The following TPCN2 variants were observed in gnomAD, a reference collection of about 807,000 sequenced individuals.
TPCN2 encodes two pore segment channel 2.
TPCN2 carries 92 observed loss-of-function variants against 111.4 expected under a neutral mutation model. The observed-to-expected ratio is 0.83, with a 90% CI of 0.70 to 0.98. The LOEUF (loss-of-function observed/expected upper bound fraction) is 0.98, where lower values mean the gene tolerates loss of function less well. Ranked by LOEUF, TPCN2 falls within the 50% of genes least tolerant of loss-of-function variation. The pLI is 0.00. For synonymous variants in TPCN2, 405 were observed against 414.5 expected, an observed-to-expected ratio of 0.98 and a Z score of 0.28; for missense variants, 995 against 980.1, an observed-to-expected ratio of 1.02 and a Z score of -0.20.
chr11:69,078,931 A>C lies in TPCN2; in HGVS notation c.1450A>C (p.Met484Leu), dbSNP rs35264875. Residue 484 changes from methionine (M) to leucine (L), a missense_variant, in exon 16 of 25, where the codon ATG (methionine) becomes CTG (leucine). Met to Leu is a conservative substitution (Grantham distance 15). Coordinates refer to ENST00000294309, the MANE Select transcript of TPCN2 (RefSeq NM_139075.4). ...CTTCATTGTGTACTACCTGTTGGAG[A>C]TGCTGCTCAAGGTCTTTGCCCTGGG... The part of the protein sequence containing the change: ...CVFIVYYLLE[M>L]LLKVFALGLR... The C allele has an allele frequency of 6.2e-7, 1 of 1,613,822 alleles. No homozygotes were observed. The highest frequency in any genetic ancestry group is 1.1e-5 in the South Asian group (1 of 91,072).
At chr11:69,050,485 C>T (rs916952638) in intron 1 of TPCN2, among the ~76,000 whole-genome samples, 4 of 152,354 alleles carry the variant, frequency 2.6e-5, no homozygotes, top group African/African-American at 2.4e-5. Context: ...TGAAGCGATT[C>T]TCCCGCCTCA....
rs1445257466 is a variant in TPCN2 at position 69,079,661 on chromosome 11, A to G, written c.1540-173A>G. Reference sequence around the variant, plus strand: ...GAGGCCAGGGTGTCTTTCCAGCTGAAAGAAGTCCTGACATCTGGAACCAAC... The same window carrying G: ...GAGGCCAGGGTGTCTTTCCAGCTGAGAGAAGTCCTGACATCTGGAACCAAC... On this transcript the variant is annotated intron_variant, in intron 16 of 24. Transcript: ENST00000294309. 3 of 588,504 alleles carry G rather than the reference A, an allele frequency of 5.1e-6. No homozygotes were observed. In the Admixed American group the frequency reaches 9.4e-5, roughly 18 times the overall value. The allele number at this position is 588,504 out of a possible 1,614,324, so 36.5% of individuals were successfully genotyped here. A position where few individuals can be genotyped will look rare whatever the true frequency, so the allele number is the denominator to read the frequency against.
chr11:69,071,865 C>A, intron 10 of TPCN2, 58 bp from the exon 11 acceptor site: 1 of 1,511,980 alleles, frequency 6.6e-7, no homozygotes, highest in Non-Finnish European at 9.1e-7. Flanking sequence ...AGGGAAGGGT[C>A]GGGGGTTCTG....
chr11:69,071,493 C>A, intron 10 of TPCN2, 73 bp downstream of exon 10: 1 of 1,373,872 alleles, frequency 7.3e-7, no homozygotes, highest in Non-Finnish European at 1.0e-6. Flanking sequence ...TTGAGATGAG[C>A]AGCTGGGTGA....
intron 11 of TPCN2, among the ~76,000 whole-genome samples, 181 bp downstream of exon 11, chr11:69,072,204 G>C (rs112826885): frequency 2.6e-5 from 4 of 151,170 alleles, no homozygotes; most frequent in African/African-American, 9.7e-5. Context: ...TCCTTGTCCT[G>C]AGTCCATGCC....
intron 13 of TPCN2, among the ~76,000 whole-genome samples, chr11:69,075,380 G>T (rs746571479): frequency 6.6e-6 from 1 of 152,186 alleles, no homozygotes; most frequent in South Asian, 2.1e-4. Context: ...ACATCCTTCC[G>T]TATACTTTAA....
rs577233149 is a variant in TPCN2, at chr11:69,085,964, C to T, written c.2003+34C>T. On this transcript the variant is annotated intron_variant, in intron 22 of 24. Coordinates refer to ENST00000294309, the MANE Select transcript of TPCN2 (RefSeq NM_139075.4). ...TCGTCTCCCTGACGGCAGTGATTCTCCGTGCAGCCTGGGGGTTCCCTCACC... is the reference window on the plus strand; with the variant it reads ...TCGTCTCCCTGACGGCAGTGATTCTTCGTGCAGCCTGGGGGTTCCCTCACC... 5.8e-5 allele frequency: 92 copies of T among 1,596,150 alleles called. 1 individual carries two copies. In the South Asian group the frequency reaches 1.0e-3, roughly 18 times the overall value.
chr11:69,071,131 GAT>G, intron 9 of TPCN2, among the ~76,000 whole-genome samples: 1 of 149,362 alleles, frequency 6.7e-6, no homozygotes, highest in Admixed American at 6.6e-5. Flanking sequence ...TCACCCCAGG[GAT>G]CCCCCACCAA....
At chr11:69,063,554 T>A (rs1352527305) in intron 6 of TPCN2, among the ~76,000 whole-genome samples, 1 of 152,078 alleles carries the variant, frequency 6.6e-6, no homozygotes, top group African/African-American at 2.4e-5. Context: ...GAGTCCCTAG[T>A]GGCTCACGTG....
intron 9 of TPCN2, 127 bp downstream of exon 9, chr11:69,070,622 G>T: frequency 1.4e-6 from 1 of 702,366 alleles, no homozygotes; most frequent in Non-Finnish European, 2.3e-6. Flanking sequence ...TCACCCCAGG[G>T]ATCCCCTGCC....
chr11:69,055,744 T>C (rs1443668887), intron 4 of TPCN2, among the ~76,000 whole-genome samples: 2 of 152,164 alleles, frequency 1.3e-5, no homozygotes, highest in Non-Finnish European at 2.9e-5. Flanking sequence ...CCATGCAGAC[T>C]GAGCCCAGTG....
chr11:69,066,890 A>G (rs1384001083), intron 7 of TPCN2, among the ~76,000 whole-genome samples: 1 of 152,192 alleles, frequency 6.6e-6, no homozygotes, highest in Non-Finnish European at 1.5e-5. Context: ...CTTTCCGAGC[A>G]GAAACACTGC....
rs1348416924 is a variant in TPCN2, at chr11:69,062,887, C to T, written c.550C>T (p.Leu184=). 11 of 1,613,806 alleles carry T rather than the reference C, an allele frequency of 6.8e-6. No homozygotes were observed. Among genetic ancestry groups the T allele is most frequent in the Non-Finnish European group, 9.3e-6 (11 of 1,179,852 alleles). ...CAGTTTCCTGGGTCTCTTCCAGCCC[C>T]TGCGGATCCGCCGGCTTCTCCGTCC... The part of the protein sequence containing the change: ...VSLSLVCHEP[L]RIRRLLRPFF... Residue 184 remains leucine, a synonymous_variant, in exon 6 of 25, where the codon CTG becomes TTG. Coordinates refer to ENST00000294309, the MANE Select transcript of TPCN2 (RefSeq NM_139075.4).
At chr11:69,072,506 C>A in intron 11 of TPCN2, 121 bp from the exon 12 acceptor site, 1 of 940,406 alleles carries the variant, frequency 1.1e-6, no homozygotes, top group Non-Finnish European at 1.6e-6. Flanking sequence ...TGGTGTGGCT[C>A]AAGCTGCAAA....
intron 14 of TPCN2, 46 bp downstream of exon 14, chr11:69,078,647 C>G: frequency 6.2e-7 from 1 of 1,613,460 alleles, no homozygotes; most frequent in Non-Finnish European, 8.5e-7. Context: ...TGCCGGTTCC[C>G]GCCCACCTTG....
At chr11:69,068,297 A>G (rs1943793549) in intron 8 of TPCN2, among the ~76,000 whole-genome samples, 1 of 148,594 alleles carries the variant, frequency 6.7e-6, no homozygotes, top group South Asian at 2.1e-4. Context: ...CTAGGAAGTG[A>G]CCGCACTGGG....
At chr11:69,076,588 ACCT>A in intron 13 of TPCN2, among the ~76,000 whole-genome samples, 1 of 130,716 alleles carries the variant, frequency 7.7e-6, no homozygotes, top group East Asian at 2.2e-4. Flanking sequence ...CTGTCCCTCC[ACCT>A]GCCCTCCTGC....
chr11:69,074,554 T>C (rs1001651760), intron 13 of TPCN2, among the ~76,000 whole-genome samples: 4 of 143,134 alleles, frequency 2.8e-5, no homozygotes, highest in Admixed American at 7.1e-5. Context: ...GCGCTTGTCC[T>C]AGGGGCGGAG....
At chr11:69,062,258 C>T (rs550961402) in intron 5 of TPCN2, among the ~76,000 whole-genome samples, 1 of 152,254 alleles carries the variant, frequency 6.6e-6, no homozygotes, top group Non-Finnish European at 1.5e-5. Flanking sequence ...CGACCCAAAC[C>T]CCTCCTGCTA....
Sources: allele counts gnomAD v4.1 joint callset (sites outside exome capture counted in the v4.1 genomes callset), GRCh38; gene constraint gnomAD v4.1.1; transcripts MANE v1.5; gene names NCBI Gene and HGNC (gene_info 2026-07-23, HGNC 2026-07-21).